SMIM17: variants seen among roughly 807,000 people sequenced by gnomAD.
SMIM17 encodes the protein small integral membrane protein 17.
Under a neutral mutation model 12.2 loss-of-function variants are expected in SMIM17, and 10 were observed. The ratio of observed to expected loss-of-function variants is 0.82; its 90% confidence interval spans 0.50 to 1.39. The LOEUF (loss-of-function observed/expected upper bound fraction) is 1.39, where lower values mean the gene tolerates loss of function less well. SMIM17 is among the 40% of genes most tolerant of loss of function. SMIM17 has a pLI of 0.00. For missense variants in SMIM17, 136 were observed against 118.2 expected (o/e 1.15, Z -0.70); for synonymous variants, 50 against 44.1 (o/e 1.13, Z -0.53).
chr19:56,648,087 A>G (rs2045079096), intron 3 of SMIM17, among the ~76,000 whole-genome samples: 1 of 149,912 alleles, frequency 6.7e-6, no homozygotes, highest in African/African-American at 2.5e-5. Context: ...CCATCCATCC[A>G]TCCATCCATC....
In SMIM17 at chr19:56,645,781, C is replaced by A; in HGVS notation, c.114C>A (p.Thr38=). ...AGAAGCCTCCTCATCCCGCCTGCAC[C>A]AAAGACTGGGAGGCTGTGGAGGTTG... The part of the protein sequence containing the change: ...AWEKPPHPAC[T]KDWEAVEVGA... Residue 38 remains threonine (T), a synonymous_variant, in exon 2 of 4, where the codon ACC becomes ACA. Coordinates refer to ENST00000598409, the MANE Select transcript of SMIM17 (RefSeq NM_001193628.2). 1 of 1,535,936 alleles carries A rather than the reference C, an allele frequency of 6.5e-7. No homozygotes were observed. Among genetic ancestry groups the A allele is most frequent in the Non-Finnish European group, 8.7e-7 (1 of 1,146,834 alleles).
rs1191889366 is a variant in SMIM17, at chr19:56,656,281, T to C, written c.*1068T>C. Among the ~76,000 whole-genome samples, 3 of 152,110 alleles carry C rather than the reference T, an allele frequency of 2.0e-5. No individual in the cohort carries two copies. The highest frequency in any genetic ancestry group is 4.8e-5 in the African/African-American group (2 of 41,440). ...ATCCTCTAGAAAATTCTTCATTCCATAGAGCTTTTTCATATTATTAGCTTA... is the reference window on the plus strand; with the variant it reads ...ATCCTCTAGAAAATTCTTCATTCCACAGAGCTTTTTCATATTATTAGCTTA... On this transcript the variant is annotated 3_prime_UTR_variant, in exon 4 of 4. Coordinates refer to ENST00000598409, the MANE Select transcript of SMIM17 (RefSeq NM_001193628.2).
At chr19:56,643,577 G>T (rs963024573) in intron 1 of SMIM17, among the ~76,000 whole-genome samples, 4 of 152,160 alleles carry the variant, frequency 2.6e-5, no homozygotes, top group Non-Finnish European at 5.9e-5. Flanking sequence ...TGGTGTCGAT[G>T]TTCGCTCCCC....
At chr19:56,650,952 T>C (rs2045104378) in intron 3 of SMIM17, among the ~76,000 whole-genome samples, 1 of 151,578 alleles carries the variant, frequency 6.6e-6, no homozygotes, top group African/African-American at 2.4e-5. Context: ...GAGCCAGCAT[T>C]GATGGAGCAC....
chr19:56,643,400 G>A (rs1273397793), intron 1 of SMIM17, among the ~76,000 whole-genome samples, 190 bp downstream of exon 1: 3 of 152,198 alleles, frequency 2.0e-5, no homozygotes, highest in African/African-American at 7.2e-5. Flanking sequence ...CCCGTCCGGT[G>A]GGAGAGGACC....
At chr19:56,645,522 T>A (rs2045055928) in intron 1 of SMIM17, 46 bp from the exon 2 acceptor site, 1 of 716,926 alleles carries the variant, frequency 1.4e-6, no homozygotes, top group Non-Finnish European at 2.1e-6. Context: ...GCCTAGCCCC[T>A]GCTGGCCCTC....
chr19:56,652,270 G>C (rs2045115167), intron 3 of SMIM17, among the ~76,000 whole-genome samples: 1 of 152,106 alleles, frequency 6.6e-6, no homozygotes, highest in South Asian at 2.1e-4. Flanking sequence ...AGCTGGAGAG[G>C]GGAGGAGAGG....
At chr19:56,650,023 G>A (rs951164979) in intron 3 of SMIM17, among the ~76,000 whole-genome samples, 3 of 152,134 alleles carry the variant, frequency 2.0e-5, no homozygotes, top group Non-Finnish European at 4.4e-5. Context: ...CATGTGGAAG[G>A]AAGGTGGGTT....
At chr19:56,644,405 C>T (rs892050400) in intron 1 of SMIM17, among the ~76,000 whole-genome samples, 4 of 152,150 alleles carry the variant, frequency 2.6e-5, no homozygotes, top group Non-Finnish European at 5.9e-5. Flanking sequence ...CTAATTCAGC[C>T]CCACAACTTG....
chr19:56,645,902 A>C, intron 2 of SMIM17, 66 bp downstream of exon 2: 1 of 1,433,560 alleles, frequency 7.0e-7, no homozygotes, highest in Admixed American at 2.5e-5. Flanking sequence ...AGCCTAGGGA[A>C]AGACTAAACA....
In SMIM17 at chr19:56,645,640, C is replaced by A; in HGVS notation, c.-28C>A. The A allele has an allele frequency of 1.4e-6, 2 of 1,451,814 alleles. No individual in the cohort carries two copies. The highest frequency in any genetic ancestry group is 1.8e-6 in the Non-Finnish European group (2 of 1,106,708). 89.9% of individuals were successfully genotyped at this position (1,451,814 alleles called of 1,614,324 possible). A position where few individuals can be genotyped will look rare whatever the true frequency, so the allele number is the denominator to read the frequency against. ...AGCAGGAGGAGAAAGAGAAGCTTGTCTCAGAAGCTCCACCTCCTCCTGGGG... is the reference window on the plus strand; with the variant it reads ...AGCAGGAGGAGAAAGAGAAGCTTGTATCAGAAGCTCCACCTCCTCCTGGGG... On this transcript the variant is annotated 5_prime_UTR_variant, in exon 2 of 4. Transcript: ENST00000598409.
intron 3 of SMIM17, among the ~76,000 whole-genome samples, chr19:56,654,826 T>C (rs1042828833): frequency 1.3e-5 from 2 of 152,032 alleles, no homozygotes; most frequent in African/African-American, 4.8e-5. Flanking sequence ...GGGGGTGGGG[T>C]CATTAGAGCA....
At chr19:56,648,943 T>C (rs2045088751) in intron 3 of SMIM17, among the ~76,000 whole-genome samples, 1 of 152,188 alleles carries the variant, frequency 6.6e-6, no homozygotes, top group Admixed American at 6.5e-5. Context: ...ATGTCAGGAA[T>C]GTAACTCTGG....
At chr19:56,643,676 G>A (rs1486238401) in intron 1 of SMIM17, among the ~76,000 whole-genome samples, 2 of 152,186 alleles carry the variant, frequency 1.3e-5, no homozygotes, top group Non-Finnish European at 2.9e-5. Context: ...ACCCTGCAAC[G>A]GTGGGAGCGC....
At chr19:56,655,044 A>T in intron 3 of SMIM17, 59 bp from the exon 4 acceptor site, 1 of 595,786 alleles carries the variant, frequency 1.7e-6, no homozygotes, top group Non-Finnish European at 3.0e-6. Context: ...TTTTCCTGCA[A>T]GTAACAATGG....
intron 2 of SMIM17, 146 bp downstream of exon 2, chr19:56,645,982 C>T (rs1256788040): frequency 4.4e-6 from 4 of 905,224 alleles, no homozygotes; most frequent in African/African-American, 1.7e-5. Flanking sequence ...TGCTGTGTAA[C>T]AAGTCATCCC....
At chr19:56,647,767 C>A in intron 3 of SMIM17, 133 bp downstream of exon 3, 1 of 742,040 alleles carries the variant, frequency 1.3e-6, no homozygotes, top group Non-Finnish European at 2.2e-6. Flanking sequence ...TGTCTGATCT[C>A]TATGGTGATC....
chr19:56,643,523 C>T (rs1333374358), intron 1 of SMIM17, among the ~76,000 whole-genome samples: 3 of 152,068 alleles, frequency 2.0e-5, no homozygotes, highest in Admixed American at 6.5e-5. Context: ...ACCTGTGTAC[C>T]CTCGTGGGGC....
chr19:56,644,403 GC>G (rs1321547222), intron 1 of SMIM17, among the ~76,000 whole-genome samples: 1 of 152,126 alleles, frequency 6.6e-6, no homozygotes, highest in Non-Finnish European at 1.5e-5. Flanking sequence ...GTCTAATTCA[GC>G]CCCACAACTT....
Sources: gnomAD v4.1 joint callset for allele counts (sites outside exome capture counted in the v4.1 genomes callset) on GRCh38, gnomAD v4.1.1 for gene constraint, MANE v1.5 for transcripts, NCBI Gene and HGNC (gene_info 2026-07-23, HGNC 2026-07-21) for gene names.